CDC5L: variants seen among roughly 807,000 people sequenced by gnomAD.
CDC5L encodes cell division cycle 5 like.
A neutral mutation model predicts 104.1 loss-of-function variants in CDC5L; 18 were observed. The observed-to-expected ratio is 0.17, with a 90% CI of 0.12 to 0.26. The LOEUF (loss-of-function observed/expected upper bound fraction) is 0.26. Ranked by LOEUF, CDC5L falls within the 10% of genes least tolerant of loss-of-function variation. The pLI is 1.00. For synonymous variants in CDC5L, 331 were observed against 322.7 expected, an observed-to-expected ratio of 1.03 and a Z score of -0.28; for missense variants, 673 against 956.9, an observed-to-expected ratio of 0.70 and a Z score of 3.91.
At chr6:44,419,386 A>G in intron 8 of CDC5L, 63 bp from the exon 9 acceptor site, 1 of 1,514,932 alleles carries the variant, frequency 6.6e-7, no homozygotes, top group Non-Finnish European at 9.1e-7. Flanking sequence ...TAGTAGGACC[A>G]GAAGAGATTC....
rs767579759 is a variant in CDC5L, at chr6:44,446,612, A to G, written c.2310A>G (p.Leu770=). 8.4e-6 allele frequency: 13 copies of G among 1,541,722 alleles called. No homozygotes were observed. Among genetic ancestry groups the G allele is most frequent in the South Asian group, 2.4e-5 (2 of 83,406 alleles). ...DSAIPRRLEC[L]KEDVQRQQER... ...CTTAATTTTTTTTCTTTAAGTGTCT[A>G]AAAGAAGACGTTCAGCGACAACAAG... Residue 770 remains leucine, a synonymous_variant, in exon 16 of 16, where the codon CTA becomes CTG. Coordinates refer to ENST00000371477, the MANE Select transcript of CDC5L (RefSeq NM_001253.4).
At chr6:44,426,041 C>A in intron 11 of CDC5L, 62 bp from the exon 12 acceptor site, 2 of 1,142,428 alleles carry the variant, frequency 1.8e-6, no homozygotes, top group Non-Finnish European at 1.3e-6. Flanking sequence ...GTGTTTTTAG[C>A]TTTACTGAGA....
At chr6:44,402,847 T>C (rs2153376516) in intron 5 of CDC5L, among the ~76,000 whole-genome samples, 1 of 152,294 alleles carries the variant, frequency 6.6e-6, no homozygotes, top group South Asian at 2.1e-4. Flanking sequence ...ATTTATAGCC[T>C]TTTAAAAGTT....
intron 7 of CDC5L, among the ~76,000 whole-genome samples, chr6:44,406,818 C>T (rs995643494): frequency 6.6e-6 from 1 of 152,050 alleles, no homozygotes; most frequent in Non-Finnish European, 1.5e-5. Context: ...GAGGCTGAGG[C>T]AGGAGAATCA....
chr6:44,429,628 A>G (rs1220804554), intron 13 of CDC5L, 85 bp from the exon 14 acceptor site: 1 of 1,169,710 alleles, frequency 8.5e-7, no homozygotes, highest in Non-Finnish European at 1.2e-6. Context: ...TCAAGGCATG[A>G]GGGAAAAAAT....
At chr6:44,428,710 CTCATTCTG>C (rs1792537224) in intron 13 of CDC5L, among the ~76,000 whole-genome samples, 1 of 152,172 alleles carries the variant, frequency 6.6e-6, no homozygotes, top group Non-Finnish European at 1.5e-5. Flanking sequence ...AGCTTTCCCT[CTCATTCTG>C]TCATTTTACA....
chr6:44,435,657 C>T (rs1334203552), intron 14 of CDC5L: 1 of 153,384 alleles, frequency 6.5e-6, no homozygotes, highest in East Asian at 2.0e-4. Context: ...TGCATGGCAT[C>T]GTCCCCTGGT....
chr6:44,403,845 A>T lies in CDC5L; in HGVS notation c.576A>T (p.Arg192=). The change falls in exon 6 of 16, where the codon CGA becomes CGT. Residue 192 remains arginine, a synonymous_variant. Transcript: ENST00000371477. ...CCCTCCAAAAAAGAAGAGAACTTCG[A>T]GCAGCTGGCATAGAAATTCAGAAGA... ...LAALQKRREL[R]AAGIEIQKKR... is the part of the protein sequence containing the mutation. 6.2e-7 allele frequency: 1 copy of T among 1,612,046 alleles called. No homozygotes were observed. Among genetic ancestry groups the T allele is most frequent in the Non-Finnish European group, 8.5e-7 (1 of 1,179,528 alleles).
intron 5 of CDC5L, among the ~76,000 whole-genome samples, chr6:44,399,716 C>T (rs977536785): frequency 3.3e-5 from 5 of 151,980 alleles, no homozygotes; most frequent in Admixed American, 2.6e-4. Context: ...TGCAGTGGTG[C>T]GATCTAGGCT....
chr6:44,413,899 A>G (rs1406542759), intron 8 of CDC5L, among the ~76,000 whole-genome samples: 1 of 152,116 alleles, frequency 6.6e-6, no homozygotes, highest in Non-Finnish European at 1.5e-5. Flanking sequence ...GTACGTTTTT[A>G]TTAGGAATGT....
At chr6:44,416,198 C>A (rs1189201287) in intron 8 of CDC5L, among the ~76,000 whole-genome samples, 1 of 152,050 alleles carries the variant, frequency 6.6e-6, no homozygotes, top group Non-Finnish European at 1.5e-5. Context: ...AGGAATTAGT[C>A]CCATATACAG....
intron 14 of CDC5L, among the ~76,000 whole-genome samples, chr6:44,431,711 T>C (rs1792695105): frequency 6.6e-6 from 1 of 152,220 alleles, no homozygotes; most frequent in Non-Finnish European, 1.5e-5. Context: ...TGCCATAAAG[T>C]ACAGTAATTT....
Position 44,408,571 on chromosome 6 carries a change from C to G in CDC5L, c.1031C>G (p.Thr344Ser), listed in dbSNP as rs1295369906. The G allele has an allele frequency of 3.1e-6, 5 of 1,613,654 alleles. No homozygotes were observed. In the South Asian group the frequency reaches 3.3e-5, roughly 11 times the overall value. Residue 344 changes from threonine to serine, a missense_variant, in exon 8 of 16, where the codon ACC becomes AGC. Physicochemically the swap from Thr to Ser is moderately conservative, Grantham distance 58. Around this residue, in one of 4 missense-constraint regions of CDC5L, gnomAD observed 578 missense variants for 737.0 expected, o/e 0.78. Coordinates refer to ENST00000371477, the MANE Select transcript of CDC5L (RefSeq NM_001253.4). ...ACACTTTTGTCTGAGTACAATGTCA[C>G]CAACAACAGCGTTGCTCTTAGAACA... is the stretch of plus-strand genomic sequence containing the variant. ...SSTLLSEYNV[T>S]NNSVALRTPR...
intron 14 of CDC5L, among the ~76,000 whole-genome samples, chr6:44,435,399 T>C (rs997371646): frequency 2.6e-5 from 4 of 152,068 alleles, no homozygotes; most frequent in Middle Eastern, 3.4e-3. Flanking sequence ...TGGGTACATG[T>C]AGGTGAGAGT....
At chr6:44,391,195 A>G (rs1290753153) in intron 2 of CDC5L, among the ~76,000 whole-genome samples, 1 of 148,336 alleles carries the variant, frequency 6.7e-6, no homozygotes, top group African/African-American at 2.5e-5. Flanking sequence ...CATATTTAAT[A>G]TGTTATATAT....
intron 2 of CDC5L, among the ~76,000 whole-genome samples, chr6:44,392,353 C>A (rs1269212049): frequency 6.6e-6 from 1 of 151,978 alleles, no homozygotes; most frequent in Non-Finnish European, 1.5e-5. Context: ...GTATTGTCTT[C>A]CAAATATTTC....
intron 14 of CDC5L, among the ~76,000 whole-genome samples, chr6:44,443,540 T>C (rs1793309643): frequency 6.6e-6 from 1 of 151,684 alleles, no homozygotes; most frequent in African/African-American, 2.4e-5. Context: ...TATTTTTTCT[T>C]TTTGCTCCTG....
intron 5 of CDC5L, among the ~76,000 whole-genome samples, chr6:44,401,166 G>C (rs935172852): frequency 1.3e-5 from 2 of 151,966 alleles, no homozygotes; most frequent in African/African-American, 4.8e-5. Context: ...GGAGAGATGT[G>C]GATCTCTCAG....
intron 10 of CDC5L, 46 bp downstream of exon 10, chr6:44,422,855 T>A: frequency 1.5e-6 from 2 of 1,353,908 alleles, no homozygotes; most frequent in Non-Finnish European, 2.0e-6. Context: ...TTTTTTAATA[T>A]CTCATGGATG....
Sources: allele counts gnomAD v4.1 joint callset (sites outside exome capture counted in the v4.1 genomes callset), GRCh38; gene constraint gnomAD v4.1.1; regional missense constraint gnomAD v4.1.1; transcripts MANE v1.5; gene names NCBI Gene and HGNC (gene_info 2026-07-23, HGNC 2026-07-21).